Variants in RNF17 observed in about 807,000 individuals in gnomAD.
RNF17 encodes ring finger protein 17, also known as spermatogenesis associated 23.
In RNF17, 31 loss-of-function variants were observed where a neutral mutation model predicts 200.5. That is an observed-to-expected ratio of 0.15 (90% CI 0.12 to 0.21). The LOEUF (loss-of-function observed/expected upper bound fraction) is 0.21, where lower values mean the gene tolerates loss of function less well. Ranked by LOEUF, RNF17 falls within the 10% of genes least tolerant of loss-of-function variation. RNF17 has a pLI of 1.00. For missense variants in RNF17, 1,628 were observed against 1,905.1 expected (o/e 0.85, Z 2.71); for synonymous variants, 606 against 637.8 (o/e 0.95, Z 0.75).
intron 18 of RNF17, among the ~76,000 whole-genome samples, chr13:24,837,330 C>A (rs1890125566): frequency 1.3e-5 from 2 of 152,030 alleles, no homozygotes; most frequent in African/African-American, 4.8e-5. Context: ...AGACAGTCAA[C>A]AAAGAAACTG....
the RNF17 span, among the ~76,000 whole-genome samples, chr13:24,749,766 T>C: frequency 6.6e-6 from 1 of 152,182 alleles, no homozygotes; most frequent in African/African-American, 2.4e-5. Context: ...TCGTTTTTTA[T>C]TGAGATGGAG....
intron 15 of RNF17, among the ~76,000 whole-genome samples, chr13:24,810,562 T>TAC (rs2137815691): frequency 6.8e-6 from 1 of 147,298 alleles, no homozygotes; most frequent in African/African-American, 2.6e-5. Flanking sequence ...GTTTCCTGAA[T>TAC]ACAGCACACT....
At position 24,789,389 on chromosome 13, in the gene RNF17, A is replaced by G. The variant is rs768787766; in HGVS notation, c.825A>G (p.Ala275=). 9 of 1,606,302 alleles carry G rather than the reference A, an allele frequency of 5.6e-6. No individual in the cohort carries two copies. In the South Asian group the frequency reaches 6.7e-5, roughly 12 times the overall value. ...AGTTAACTTCAGATAGTGAATTAGC[A>G]CAAGTTAGTTCTCCACAACTAAGGA... ...TLQLTSDSEL[A]QVSSPQLRNP... is the part of the protein sequence containing the mutation. Residue 275 remains alanine (A), a synonymous_variant, in exon 8 of 36, where the codon GCA becomes GCG. Coordinates refer to ENST00000255324, the MANE Select transcript of RNF17 (RefSeq NM_031277.3).
chr13:24,866,077 GA>G, intron 29 of RNF17, 66 bp from the exon 30 acceptor site: 1 of 854,398 alleles, frequency 1.2e-6, no homozygotes, highest in South Asian at 1.6e-5. Context: ...TTGTGGGGAT[GA>G]AATATGGAAA....
chr13:24,845,191 T>G, intron 22 of RNF17, 112 bp downstream of exon 22: 1 of 638,422 alleles, frequency 1.6e-6, no homozygotes, highest in Non-Finnish European at 2.7e-6. Context: ...TAGTTAATTT[T>G]GGACTTCAAG....
rs1472118447 is a variant in RNF17, at chr13:24,827,633, C to T, written c.2245+1861C>T. 3.3e-5 allele frequency among the ~76,000 whole-genome samples: 4 copies of T among 121,520 alleles called. No homozygotes were observed. The East Asian group carries it at 8.4e-4, about 25-fold the overall frequency. 79.7% of individuals were successfully genotyped at this position (121,520 alleles called of 152,430 possible). A position where few individuals can be genotyped will look rare whatever the true frequency, so the allele number is the denominator to read the frequency against. On this transcript the variant is annotated intron_variant, in intron 16 of 35. Coordinates refer to ENST00000255324, the MANE Select transcript of RNF17 (RefSeq NM_031277.3). ...AGGAGAATGGCGTGAACCCGGGAGG[C>T]GGAGCTTGCAGTGAGCCGAGATCCC...
intron 15 of RNF17, among the ~76,000 whole-genome samples, chr13:24,810,839 G>A (rs1886507150): frequency 6.7e-6 from 1 of 148,178 alleles, no homozygotes; most frequent in Non-Finnish European, 1.5e-5. Flanking sequence ...CAGGCCTGGT[G>A]GTGACAAAAT....
At chr13:24,875,612 T>A (rs1894778304) in intron 33 of RNF17, among the ~76,000 whole-genome samples, 1 of 152,178 alleles carries the variant, frequency 6.6e-6, no homozygotes, top group Non-Finnish European at 1.5e-5. Flanking sequence ...CAGCTTTCAA[T>A]GGAAACTGTA....
At chr13:24,836,535 G>A (rs924768331) in intron 18 of RNF17, among the ~76,000 whole-genome samples, 9 of 152,094 alleles carry the variant, frequency 5.9e-5, no homozygotes, top group South Asian at 2.1e-4. Flanking sequence ...AAGCTGGAAG[G>A]GATTGGGGGC....
intron 6 of RNF17, among the ~76,000 whole-genome samples, chr13:24,783,883 A>G (rs532262564): frequency 1.3e-5 from 2 of 152,314 alleles, no homozygotes; most frequent in South Asian, 4.1e-4. Context: ...TTCTTGTCTA[A>G]TTGCTTTGGC....
At chr13:24,870,496 C>A (rs1295759044) in intron 31 of RNF17, 75 bp from the exon 32 acceptor site, 4 of 1,322,998 alleles carry the variant, frequency 3.0e-6, no homozygotes, top group African/African-American at 1.5e-5. Flanking sequence ...CTGTCTGCTA[C>A]AGTAATTTTG....
intron 6 of RNF17, among the ~76,000 whole-genome samples, chr13:24,783,031 C>T (rs1882638347): frequency 6.6e-6 from 1 of 152,122 alleles, no homozygotes; most frequent in Non-Finnish European, 1.5e-5. Flanking sequence ...TTATAGTTCT[C>T]ACATTTAGAT....
chr13:24,855,113 T>C (rs1201884368), intron 25 of RNF17, among the ~76,000 whole-genome samples: 1 of 152,194 alleles, frequency 6.6e-6, no homozygotes, highest in Non-Finnish European at 1.5e-5. Context: ...ATCAAACTGT[T>C]CGAGATTTGT....
intron 33 of RNF17, among the ~76,000 whole-genome samples, chr13:24,876,671 T>C (rs1253511762): frequency 1.3e-5 from 2 of 152,216 alleles, no homozygotes; most frequent in East Asian, 1.9e-4. Context: ...CCCTAATGAT[T>C]AGTGACGTGG....
intron 30 of RNF17, 53 bp from the exon 31 acceptor site, chr13:24,868,547 G>T: frequency 5.8e-6 from 4 of 690,084 alleles, no homozygotes; most frequent in Non-Finnish European, 7.5e-6. Context: ...TTTTTATAAT[G>T]TAATAGATTT....
In RNF17 at chr13:24,868,589, T is replaced by C. The variant is rs185569714; in HGVS notation, c.4162-11T>C. ...TTATTCTGAAATTTGAATTTTTCTG[T>C]GGTGTTTTAGGAATTGCTTTCGGCT... On this transcript the variant is annotated splice_polypyrimidine_tract_variant and intron_variant, in intron 30 of 35. Coordinates refer to ENST00000255324, the MANE Select transcript of RNF17 (RefSeq NM_031277.3). 5.3e-4 allele frequency: 751 copies of C among 1,408,462 alleles called. 1 individual carries two copies. Among genetic ancestry groups the C allele is most frequent in the Admixed American group, 3.0e-3 (180 of 59,604 alleles). The allele number at this position is 1,408,462 out of a possible 1,614,324, so 87.2% of individuals were successfully genotyped here.
chr13:24,776,519 A>G (rs1881590146), intron 3 of RNF17, among the ~76,000 whole-genome samples: 1 of 152,212 alleles, frequency 6.6e-6, no homozygotes, highest in South Asian at 2.1e-4. Flanking sequence ...TACTGCTCCC[A>G]ACTCCTATAC....
chr13:24,840,239 C>T lies in RNF17; in HGVS notation c.2483-1802C>T, dbSNP rs545017643. The stretch of plus-strand genomic sequence containing the variant: ...AAAATCAAAAAACAATAGATGCATG[C>T]GTGGGGTGAACAGGGAACACTTCTA... On this transcript the variant is annotated intron_variant, in intron 18 of 35. Transcript: ENST00000255324. Among the ~76,000 whole-genome samples the T allele has an allele frequency of 6.6e-5, 10 of 151,978 alleles. No individual in the cohort carries two copies. The East Asian group carries it at 1.4e-3, about 21-fold the overall frequency.
At chr13:24,849,979 C>T (rs1891687983) in intron 22 of RNF17, among the ~76,000 whole-genome samples, 1 of 152,132 alleles carries the variant, frequency 6.6e-6, no homozygotes, top group Non-Finnish European at 1.5e-5. Flanking sequence ...CATAACACAT[C>T]ATCATTCCTG....
Sources: allele counts gnomAD v4.1 joint callset (sites outside exome capture counted in the v4.1 genomes callset), GRCh38; gene constraint gnomAD v4.1.1; transcripts MANE v1.5; gene names NCBI Gene and HGNC (gene_info 2026-07-23, HGNC 2026-07-21).